MBNL2: variants seen among roughly 807,000 people sequenced by gnomAD.
MBNL2 encodes the protein muscleblind-like protein 2.
A neutral mutation model predicts 41.9 loss-of-function variants in MBNL2; 17 were observed. That is an observed-to-expected ratio of 0.41 (90% CI 0.28 to 0.61). The LOEUF (loss-of-function observed/expected upper bound fraction) is 0.61. MBNL2 is among the 20% of genes least tolerant of loss of function. The pLI is 0.35. For missense variants in MBNL2, 336 were observed against 505.6 expected (o/e 0.66, Z 3.22); for synonymous variants, 195 against 182.9 (o/e 1.07, Z -0.53).
At chr13:97,344,768 C>T (rs1857168771) in intron 4 of MBNL2, among the ~76,000 whole-genome samples, 1 of 152,182 alleles carries the variant, frequency 6.6e-6, no homozygotes, top group South Asian at 2.1e-4. Flanking sequence ...TGTGACTGTA[C>T]TTTAGAAAAC....
chr13:97,146,007 C>T, the MBNL2 span, among the ~76,000 whole-genome samples: 7 of 127,528 alleles, frequency 5.5e-5, no homozygotes, highest in East Asian at 2.4e-4. Context: ...TTCTTTGAAA[C>T]GGAGTCTCAC....
rs1163285019 is a variant in MBNL2 at position 97,346,329 on chromosome 13, TGATA to T, written c.541-471_541-468del. On this transcript the variant is annotated intron_variant, in intron 4 of 8. Transcript: ENST00000679496. The surrounding 1 kb of genome is among the most constrained non-coding windows in gnomAD (Gnocchi z 4.2). ...GATAATAGATAATAGAGGGATAGAT[TGATA>T]GATGATAGATAATAGATGATGGATG... is the stretch of plus-strand genomic sequence containing the variant. Among the ~76,000 whole-genome samples the T allele has an allele frequency of 2.0e-5, 3 of 151,672 alleles. No individual in the cohort carries two copies. Among genetic ancestry groups the T allele is most frequent in the South Asian group, 4.2e-4 (2 of 4,798 alleles).
the MBNL2 span, among the ~76,000 whole-genome samples, chr13:97,188,612 A>G: frequency 2.4e-4 from 36 of 151,018 alleles, no homozygotes; most frequent in Non-Finnish European, 2.7e-4. Flanking sequence ...CCCCCAGAAC[A>G]CTAACACACG....
rs2060685286 is a variant in MBNL2 at position 97,334,160 on chromosome 13, A to C, written c.175-116A>C. ...TGCGCGCGCACACCCACACACACACACACACACACACACACAGGATCCTTG... is the reference window on the plus strand; with the variant it reads ...TGCGCGCGCACACCCACACACACACCCACACACACACACACAGGATCCTTG... On this transcript the variant is annotated intron_variant, in intron 2 of 8. Transcript: ENST00000679496. This position sits in a 1 kb window ranked among gnomAD's most constrained non-coding sequence, Gnocchi z 5.3. 1 of 741,612 alleles carries C rather than the reference A, an allele frequency of 1.3e-6. No homozygotes were observed. Among genetic ancestry groups the C allele is most frequent in the Non-Finnish European group, 2.2e-6 (1 of 450,190 alleles). 45.9% of individuals were successfully genotyped at this position (741,612 alleles called of 1,614,324 possible).
chr13:97,331,123 G>C (rs1380270320), intron 2 of MBNL2, among the ~76,000 whole-genome samples: 1 of 152,152 alleles, frequency 6.6e-6, no homozygotes, highest in Non-Finnish European at 1.5e-5. Context: ...GTATGATTCT[G>C]TACTTACTGA....
intron 2 of MBNL2, among the ~76,000 whole-genome samples, chr13:97,330,736 T>G (rs1295688387): frequency 6.6e-6 from 1 of 152,230 alleles, no homozygotes; most frequent in African/African-American, 2.4e-5. Flanking sequence ...GCAAATCTTA[T>G]GCCTTAACAA....
chr13:97,238,698 G>A (rs1365702480), intron 1 of MBNL2, among the ~76,000 whole-genome samples: 2 of 152,134 alleles, frequency 1.3e-5, no homozygotes, highest in African/African-American at 4.8e-5. Flanking sequence ...GTGGGAGACA[G>A]GTAGCACAGC....
intron 2 of MBNL2, among the ~76,000 whole-genome samples, chr13:97,282,451 G>T (rs1210758558): frequency 6.6e-6 from 1 of 152,158 alleles, no homozygotes; most frequent in East Asian, 1.9e-4. Context: ...AAAAGACAGA[G>T]ACACTACAAG....
intron 2 of MBNL2, among the ~76,000 whole-genome samples, chr13:97,317,404 G>T (rs1045176941): frequency 1.3e-5 from 2 of 152,172 alleles, no homozygotes; most frequent in Admixed American, 6.5e-5. Flanking sequence ...GGACAGGCAC[G>T]TGTTTCATAT....
rs1274883247 is a variant in MBNL2, at chr13:97,393,577, T to C, written c.*2128T>C. The C allele has an allele frequency of 6.6e-6, 1 of 152,516 alleles. No homozygotes were observed. The highest frequency in any genetic ancestry group is 1.5e-5 in the Non-Finnish European group (1 of 67,958). 9.4% of individuals were successfully genotyped at this position (152,516 alleles called of 1,614,324 possible). ...TACAATATGCAAAGAGTCATAAATA[T>C]GCCATTTACAATAAGGAGGAGGCAA... On this transcript the variant is annotated 3_prime_UTR_variant, in exon 9 of 9. Transcript: ENST00000679496.
intron 1 of MBNL2, among the ~76,000 whole-genome samples, chr13:97,263,252 C>T (rs1365122351): frequency 1.3e-5 from 2 of 152,172 alleles, no homozygotes; most frequent in Non-Finnish European, 2.9e-5. Context: ...AACCTTTAAC[C>T]AATTTCCCCT....
chr13:97,149,632 A>G, the MBNL2 span, among the ~76,000 whole-genome samples: 1 of 152,068 alleles, frequency 6.6e-6, no homozygotes, highest in African/African-American at 2.4e-5. Flanking sequence ...TATTACCTCC[A>G]ATTTACAGAA....
At chr13:97,276,762 T>C (rs1250208800) in intron 2 of MBNL2, among the ~76,000 whole-genome samples, 2 of 152,084 alleles carry the variant, frequency 1.3e-5, no homozygotes, top group Non-Finnish European at 2.9e-5. Flanking sequence ...AATGTGTCAC[T>C]TTTAAGTGCC....
intron 8 of MBNL2, among the ~76,000 whole-genome samples, chr13:97,368,540 A>C (rs1722902700): frequency 6.6e-6 from 1 of 152,242 alleles, no homozygotes; most frequent in Non-Finnish European, 1.5e-5. Context: ...AAAGGAAAAG[A>C]AGCCAAGATA....
At chr13:97,319,304 G>T (rs1327828272) in intron 2 of MBNL2, among the ~76,000 whole-genome samples, 1 of 152,208 alleles carries the variant, frequency 6.6e-6, no homozygotes, top group Non-Finnish European at 1.5e-5. Context: ...CAAAGATTCA[G>T]TGTCACTTGA....
At chr13:97,194,925 C>T in the MBNL2 span, among the ~76,000 whole-genome samples, 1 of 152,212 alleles carries the variant, frequency 6.6e-6, no homozygotes, top group Admixed American at 6.5e-5. Flanking sequence ...CATCAATAAT[C>T]TACCCCTTGT....
the MBNL2 span, among the ~76,000 whole-genome samples, chr13:97,175,574 C>T: frequency 6.6e-6 from 1 of 152,128 alleles, no homozygotes; most frequent in Non-Finnish European, 1.5e-5. Context: ...AAAAATGTCC[C>T]AGTAGAAGTT....
chr13:97,282,993 G>C (rs1435858746), intron 2 of MBNL2, among the ~76,000 whole-genome samples: 1 of 152,168 alleles, frequency 6.6e-6, no homozygotes, highest in African/African-American at 2.4e-5. Flanking sequence ...GTGATCTCCA[G>C]ACCAAAACCT....
chr13:97,206,579 T>C, the MBNL2 span, among the ~76,000 whole-genome samples: 2 of 152,234 alleles, frequency 1.3e-5, no homozygotes, highest in East Asian at 1.9e-4. Flanking sequence ...CACAATCCCA[T>C]GAGAATTGCT....
Sources: gnomAD v4.1 joint callset for allele counts (sites outside exome capture counted in the v4.1 genomes callset) on GRCh38, gnomAD v4.1.1 for gene constraint, Gnocchi (gnomAD v3.1) non-coding constraint, MANE v1.5 for transcripts, NCBI Gene and HGNC (gene_info 2026-07-23, HGNC 2026-07-21) for gene names.